HDX: variants seen among roughly 807,000 people sequenced by gnomAD.
HDX encodes the protein chromosome X open reading frame 43.
HDX carries 19 observed loss-of-function variants against 45.2 expected under a neutral mutation model. The ratio of observed to expected loss-of-function variants is 0.42; its 90% confidence interval spans 0.29 to 0.62. The LOEUF (loss-of-function observed/expected upper bound fraction) is 0.62. Among genes scored for constraint, HDX ranks in the 20% least tolerant of loss-of-function variants. The pLI is 0.20. For missense variants in HDX, 532 were observed against 493.9 expected (o/e 1.08, Z -0.73); for synonymous variants, 188 against 172.8 (o/e 1.09, Z -0.69).
chrX:84,395,837 T>A (rs1250510014), intron 5 of HDX, among the ~76,000 whole-genome samples: 1 of 111,950 alleles, frequency 8.9e-6, no homozygotes, highest in African/African-American at 3.2e-5. Context: ...AATTCTTTAT[T>A]CTACTTGATT....
intron 1 of HDX, among the ~76,000 whole-genome samples, chrX:84,489,963 C>G (rs2040861624): frequency 8.9e-6 from 1 of 112,063 alleles, no homozygotes; most frequent in Admixed American, 9.5e-5. Flanking sequence ...AATTCAATTT[C>G]TCTAATTAAA....
At chrX:84,363,646 G>A in intron 5 of HDX, among the ~76,000 whole-genome samples, 1 of 111,887 alleles carries the variant, frequency 8.9e-6, no homozygotes. Context: ...TATTTTTAAA[G>A]TTCCTAAGAG....
intron 7 of HDX, among the ~76,000 whole-genome samples, chrX:84,342,860 CA>C (rs1377762685): frequency 9.0e-6 from 1 of 110,739 alleles, no homozygotes; most frequent in African/African-American, 3.3e-5. Flanking sequence ...TTAAAAATTA[CA>C]AAAGAAAATC....
chrX:84,392,907 T>C (rs189820609), intron 5 of HDX, among the ~76,000 whole-genome samples: 3 of 110,755 alleles, frequency 2.7e-5, no homozygotes, highest in Non-Finnish European at 3.8e-5. Context: ...GTCCATAGGC[T>C]TTCTAGATAT....
intron 2 of HDX, among the ~76,000 whole-genome samples, chrX:84,479,849 C>T (rs1191031880): frequency 9.0e-6 from 1 of 111,259 alleles, no homozygotes; most frequent in African/African-American, 3.3e-5. Context: ...CCCGCCACTT[C>T]TTTGTGGAAG....
Position 84,440,545 on chromosome X carries a change from G to A in HDX, c.1292C>T (p.Ser431Phe). The A allele has an allele frequency of 6.8e-6, 8 of 1,181,465 alleles. No homozygotes were observed. The highest frequency in any genetic ancestry group is 9.2e-6 in the Non-Finnish European group (8 of 870,836). ...NLTVPWITGCSRKRALQDRTQ... is the reference protein window; with the variant it reads ...NLTVPWITGCFRKRALQDRTQ... The stretch of plus-strand genomic sequence containing the variant: ...AAGATTACTTACTGCTCTTTTTCTA[G>A]AACACCCTGTAATCCAAGGCACAGT... Residue 431 changes from serine to phenylalanine, a missense_variant, in exon 5 of 11, where the codon TCT (serine) becomes TTT (phenylalanine). Around this residue, in one of 3 missense-constraint regions of HDX, gnomAD observed 376 missense variants for 343.7 expected, o/e 1.09. Coordinates refer to ENST00000373177, the MANE Select transcript of HDX (RefSeq NM_001177479.2).
At position 84,469,464 on chromosome X, in the gene HDX, T is replaced by C. The variant is rs1389791622; in HGVS notation, c.259A>G (p.Asn87Asp). 8.3e-7 allele frequency: 1 copy of C among 1,211,153 alleles called. No individual in the cohort carries two copies. The highest frequency in any genetic ancestry group is 2.2e-5 in the Admixed American group (1 of 45,970). Residue 87 changes from asparagine (N) to aspartate (D), a missense_variant, in exon 4 of 11, where the codon AAT becomes GAT. Physicochemically the swap from Asn to Asp is conservative, Grantham distance 23. Transcript: ENST00000373177. ...APDITVRNVV[N>D]IARPSSQQSS... ...TGCTGGCTTGAGGGTCGAGCAATAT[T>C]AACCACATTTCTGACTGTGATGTCT...
intron 9 of HDX, 90 bp from the exon 10 acceptor site, chrX:84,326,390 C>A: frequency 1.6e-6 from 1 of 644,094 alleles, no homozygotes; most frequent in Non-Finnish European, 2.4e-6. Context: ...AAAAAACCAT[C>A]AAATTAGAAG....
rs149969577 is a variant in HDX, at chrX:84,424,727, A to G, written c.1305+15805T>C. Among the ~76,000 whole-genome samples, 422 of 111,539 alleles carry G rather than the reference A, an allele frequency of 3.8e-3. 2 individuals are homozygous for G. Among genetic ancestry groups the G allele is most frequent in the African/African-American group, 0.013 (408 of 30,706 alleles). On this transcript the variant is annotated intron_variant, in intron 5 of 10. Coordinates refer to ENST00000373177, the MANE Select transcript of HDX (RefSeq NM_001177479.2). Reference sequence around the variant, plus strand: ...CACTGGGAAAAAGACAATATCTTCAATACATGGTGCTGGGAAAACCGGATA... The same window carrying G: ...CACTGGGAAAAAGACAATATCTTCAGTACATGGTGCTGGGAAAACCGGATA...
intron 2 of HDX, among the ~76,000 whole-genome samples, chrX:84,487,423 A>T (rs149019594): frequency 0.046 from 5,163 of 111,884 alleles, 303 homozygotes; most frequent in African/African-American, 0.16. Flanking sequence ...GGCAGAACAC[A>T]GTTAGCAGGC....
intron 6 of HDX, among the ~76,000 whole-genome samples, chrX:84,350,939 A>G (rs1279778991): frequency 9.0e-6 from 1 of 111,505 alleles, no homozygotes; most frequent in African/African-American, 3.3e-5. Context: ...TTAAATATTT[A>G]GAATTCCATT....
At chrX:84,324,415 A>G (rs1569272811) in intron 10 of HDX, among the ~76,000 whole-genome samples, 1 of 111,618 alleles carries the variant, frequency 9.0e-6, no homozygotes, top group East Asian at 2.8e-4. Flanking sequence ...ACTTTTTTGG[A>G]CTACTATTCG....
chrX:84,361,501 C>T lies in HDX; in HGVS notation c.1417G>A (p.Ala473Thr). The T allele has an allele frequency of 2.5e-6, 3 of 1,207,838 alleles. No individual in the cohort carries two copies. Among genetic ancestry groups the T allele is most frequent in the Non-Finnish European group, 3.4e-6 (3 of 892,695 alleles). Residue 473 changes from alanine (A) to threonine (T), a missense_variant, in exon 6 of 11, where the codon GCA becomes ACA. Physicochemically the swap from Ala to Thr is moderately conservative, Grantham distance 58. Coordinates refer to ENST00000373177, the MANE Select transcript of HDX (RefSeq NM_001177479.2). ...TCACAGTCAACATTTAATTCAGTTG[C>T]CACAGCTTCAATTTTCTCTCTACAA... Reference protein sequence around the residue: ...SVCREKIEAVATELNVDCEIV... With the variant: ...SVCREKIEAVTTELNVDCEIV...
intron 2 of HDX, among the ~76,000 whole-genome samples, chrX:84,479,435 T>C (rs1390762851): frequency 8.9e-6 from 1 of 112,123 alleles, no homozygotes; most frequent in East Asian, 2.8e-4. Context: ...TGTATTAATG[T>C]ACCACAGTTA....
intron 5 of HDX, among the ~76,000 whole-genome samples, chrX:84,401,471 G>T (rs773830725): frequency 8.9e-6 from 1 of 112,097 alleles, no homozygotes; most frequent in East Asian, 2.8e-4. Context: ...CAGCATCACT[G>T]ATCATTAGAG....
chrX:84,407,055 CT>C (rs749377466), intron 5 of HDX, among the ~76,000 whole-genome samples: 74 of 111,089 alleles, frequency 6.7e-4, no homozygotes, highest in Middle Eastern at 4.6e-3. Context: ...CCACATTATT[CT>C]TTTTGTAAAC....
At chrX:84,485,853 G>A (rs1404174998) in intron 2 of HDX, among the ~76,000 whole-genome samples, 1 of 112,087 alleles carries the variant, frequency 8.9e-6, no homozygotes, top group Non-Finnish European at 1.9e-5. Flanking sequence ...TACTTTGCCA[G>A]ACACTAATAT....
Position 84,469,454 on chromosome X carries a change from C to T in HDX, c.269G>A (p.Arg90Gln). ...CCAAGAAGACTGCTGGCTTGAGGGT[C>T]GAGCAATATTAACCACATTTCTGAC... Reference protein sequence around the residue: ...ITVRNVVNIARPSSQQSSWTS... With the variant: ...ITVRNVVNIAQPSSQQSSWTS... The change falls in exon 4 of 11, where the codon CGA becomes CAA. Residue 90 changes from arginine to glutamine, a missense_variant. Physicochemically the swap from Arg to Gln is conservative, Grantham distance 43. Coordinates refer to ENST00000373177, the MANE Select transcript of HDX (RefSeq NM_001177479.2). The T allele has an allele frequency of 8.3e-7, 1 of 1,210,972 alleles. No individual in the cohort carries two copies. The highest frequency in any genetic ancestry group is 2.2e-5 in the Admixed American group (1 of 45,928).
intron 5 of HDX, among the ~76,000 whole-genome samples, chrX:84,414,542 T>C (rs771700929): frequency 8.9e-6 from 1 of 111,958 alleles, no homozygotes; most frequent in African/African-American, 3.2e-5. Context: ...TCATTTTTCT[T>C]TTCCCTGTTC....
Sources: gnomAD v4.1 joint callset for allele counts (sites outside exome capture counted in the v4.1 genomes callset) on GRCh38, gnomAD v4.1.1 for gene constraint, gnomAD v4.1.1 regional missense constraint, MANE v1.5 for transcripts, NCBI Gene and HGNC (gene_info 2026-07-23, HGNC 2026-07-21) for gene names.